The following TAFA1 variants were observed in gnomAD, a reference collection of about 807,000 sequenced individuals.
TAFA1 encodes the protein TAFA chemokine like family member 1.
In TAFA1, 4 loss-of-function variants were observed where a neutral mutation model predicts 18.5. The observed-to-expected ratio is 0.22, with a 90% CI of 0.11 to 0.49. TAFA1 has a LOEUF of 0.49. TAFA1 is among the 20% of genes least tolerant of loss of function. The pLI is 0.98. For missense variants in TAFA1, 147 were observed against 169.0 expected, an observed-to-expected ratio of 0.87 and a Z score of 0.72; for synonymous variants, 56 against 55.2, an observed-to-expected ratio of 1.01 and a Z score of -0.06.
At chr3:68,485,098 G>A (rs1271527988) in intron 3 of TAFA1, among the ~76,000 whole-genome samples, 1 of 152,086 alleles carries the variant, frequency 6.6e-6, no homozygotes, top group South Asian at 2.1e-4. Context: ...AGGTTCATGG[G>A]TTGCAGTCTC....
In TAFA1 at chr3:68,027,062, T is replaced by C. The variant is rs926415225; in HGVS notation, c.118+20318T>C. Among the ~76,000 whole-genome samples, 2 of 151,944 alleles carry C rather than the reference T, an allele frequency of 1.3e-5. 1 individual carries two copies. The highest frequency in any genetic ancestry group is 2.9e-5 in the Non-Finnish European group (2 of 67,986). ...TTAAAGAATCCAAAACTGAGTATCA[T>C]GACGATGGTACCAAGCAGGGATGGT... On this transcript the variant is annotated intron_variant, in intron 2 of 4. Coordinates refer to ENST00000478136, the MANE Select transcript of TAFA1 (RefSeq NM_213609.4).
intron 2 of TAFA1, among the ~76,000 whole-genome samples, chr3:68,150,635 CA>C (rs2065795767): frequency 6.6e-6 from 1 of 152,082 alleles, no homozygotes; most frequent in South Asian, 2.1e-4. Context: ...TGAGGTGTTG[CA>C]AGATGGTACT....
chr3:68,151,750 G>A (rs527898107), intron 2 of TAFA1, among the ~76,000 whole-genome samples: 12 of 152,194 alleles, frequency 7.9e-5, no homozygotes, highest in Middle Eastern at 3.4e-3. Flanking sequence ...AATCAACACC[G>A]TTGCATTAGG....
chr3:68,008,104 C>T (rs1417064039), intron 2 of TAFA1, among the ~76,000 whole-genome samples: 1 of 152,230 alleles, frequency 6.6e-6, no homozygotes, highest in African/African-American at 2.4e-5. Flanking sequence ...TTTCCCCCAG[C>T]CCTGGTCTGA....
At chr3:68,319,438 A>G (rs1286715850) in intron 2 of TAFA1, among the ~76,000 whole-genome samples, 2 of 152,048 alleles carry the variant, frequency 1.3e-5, no homozygotes, top group East Asian at 3.9e-4. Context: ...GCTTACTGGC[A>G]TCTAGTGGGT....
rs138822399 is a variant in TAFA1 at position 68,089,161 on chromosome 3, G to A, written c.118+82417G>A. Among the ~76,000 whole-genome samples the A allele has an allele frequency of 3.7e-3, 564 of 152,242 alleles. 5 individuals carry two copies. Among genetic ancestry groups the A allele is most frequent in the African/African-American group, 0.013 (528 of 41,548 alleles). ...AATATGAAGCTGGATATGTGAGCCT[G>A]AAACTCAAGAGAAAGTTCAGGGCTA... On this transcript the variant is annotated intron_variant, in intron 2 of 4. Coordinates refer to ENST00000478136, the MANE Select transcript of TAFA1 (RefSeq NM_213609.4).
intron 2 of TAFA1, among the ~76,000 whole-genome samples, chr3:68,260,298 A>G (rs908621031): frequency 6.6e-6 from 1 of 152,138 alleles, no homozygotes; most frequent in Non-Finnish European, 1.5e-5. Flanking sequence ...CCACTTGATC[A>G]TGGTGGATGA....
chr3:68,236,241 C>A (rs578157535), intron 2 of TAFA1, among the ~76,000 whole-genome samples: 1 of 152,282 alleles, frequency 6.6e-6, no homozygotes, highest in Non-Finnish European at 1.5e-5. Context: ...TTATTCATAC[C>A]TCTAGTTTCC....
At chr3:68,464,628 C>A (rs2071850894) in intron 3 of TAFA1, among the ~76,000 whole-genome samples, 1 of 152,136 alleles carries the variant, frequency 6.6e-6, no homozygotes, top group South Asian at 2.1e-4. Context: ...AGAGGACAGT[C>A]AAAACTGTAG....
chr3:68,261,461 C>T (rs1389890718), intron 2 of TAFA1, among the ~76,000 whole-genome samples: 4 of 152,164 alleles, frequency 2.6e-5, no homozygotes, highest in African/African-American at 9.7e-5. Context: ...AAGATACATG[C>T]ACATGTATGT....
chr3:68,416,199 G>A (rs996121875), intron 2 of TAFA1, among the ~76,000 whole-genome samples: 4 of 152,134 alleles, frequency 2.6e-5, no homozygotes, highest in Non-Finnish European at 4.4e-5. Context: ...TCAGAGGACA[G>A]GATGAAAGGA....
At chr3:68,241,506 G>C (rs2066999308) in intron 2 of TAFA1, among the ~76,000 whole-genome samples, 1 of 152,118 alleles carries the variant, frequency 6.6e-6, no homozygotes, top group Non-Finnish European at 1.5e-5. Context: ...AGCGCAAAGA[G>C]AAATAGTACT....
chr3:68,397,667 G>T (rs575305544), intron 2 of TAFA1, among the ~76,000 whole-genome samples: 3 of 152,138 alleles, frequency 2.0e-5, no homozygotes, highest in Non-Finnish European at 2.9e-5. Context: ...ATAATCCTTT[G>T]AGTGTATACC....
At chr3:68,350,638 G>A (rs1244222102) in intron 2 of TAFA1, among the ~76,000 whole-genome samples, 2 of 152,234 alleles carry the variant, frequency 1.3e-5, no homozygotes, top group African/African-American at 2.4e-5. Context: ...TTTATTGGAT[G>A]TAATTTAAAT....
intron 2 of TAFA1, among the ~76,000 whole-genome samples, chr3:68,331,501 A>C (rs1275183191): frequency 1.3e-5 from 2 of 152,246 alleles, no homozygotes; most frequent in Non-Finnish European, 2.9e-5. Flanking sequence ...CTAGTAAGAT[A>C]ATAGACTTTT....
intron 2 of TAFA1, among the ~76,000 whole-genome samples, chr3:68,232,514 C>G (rs1451742696): frequency 6.6e-6 from 1 of 152,186 alleles, no homozygotes; most frequent in Non-Finnish European, 1.5e-5. Context: ...CTGAAATAAA[C>G]ATGGGGGTGC....
intron 2 of TAFA1, among the ~76,000 whole-genome samples, chr3:68,084,046 C>G (rs1363906229): frequency 6.6e-6 from 1 of 152,154 alleles, no homozygotes; most frequent in Non-Finnish European, 1.5e-5. Flanking sequence ...GCTATTCATG[C>G]CAGTATACCA....
At chr3:68,524,650 G>A (rs2073078172) in intron 3 of TAFA1, among the ~76,000 whole-genome samples, 1 of 151,462 alleles carries the variant, frequency 6.6e-6, no homozygotes, top group African/African-American at 2.4e-5. Context: ...TATGTTTCTA[G>A]GTTGTTTTTT....
At chr3:68,197,396 T>C (rs2066423324) in intron 2 of TAFA1, among the ~76,000 whole-genome samples, 1 of 151,650 alleles carries the variant, frequency 6.6e-6, no homozygotes, top group Non-Finnish European at 1.5e-5. Context: ...TCTTTTAGAA[T>C]TACTTGATTT....
Sources: allele counts gnomAD v4.1 joint callset (sites outside exome capture counted in the v4.1 genomes callset), GRCh38; gene constraint gnomAD v4.1.1; transcripts MANE v1.5; gene names NCBI Gene and HGNC (gene_info 2026-07-23, HGNC 2026-07-21).